Variants in TENM4 observed in about 807,000 individuals in gnomAD.
TENM4 encodes the protein teneurin transmembrane protein 4.
In TENM4, 82 loss-of-function variants were observed where a neutral mutation model predicts 243.3. The ratio of observed to expected loss-of-function variants is 0.34; its 90% CI spans 0.28 to 0.40. The LOEUF is 0.40. Ranked by LOEUF, TENM4 falls within the 10% of genes least tolerant of loss-of-function variation. The pLI is 1.00. For synonymous variants in TENM4, 1,412 were observed against 1,456.3 expected (o/e 0.97, Z 0.69); for missense variants, 3,138 against 3,673.3 (o/e 0.85, Z 3.77).
intron 6 of TENM4, among the ~76,000 whole-genome samples, chr11:78,984,049 C>T (rs752121691): frequency 3.3e-5 from 5 of 152,134 alleles, no homozygotes; most frequent in Non-Finnish European, 7.3e-5. Context: ...GCCCTGGGCT[C>T]TTCGGACTCT....
At chr11:79,176,211 G>A (rs1863155447) in intron 3 of TENM4, among the ~76,000 whole-genome samples, 2 of 152,272 alleles carry the variant, frequency 1.3e-5, no homozygotes, top group East Asian at 3.9e-4. Flanking sequence ...CTGCCCATAG[G>A]GTCAGTCATT....
At chr11:78,811,581 C>T (rs924480974) in intron 14 of TENM4, among the ~76,000 whole-genome samples, 152 of 152,000 alleles carry the variant, frequency 1.0e-3, no homozygotes, top group African/African-American at 1.9e-3. Flanking sequence ...CACACACACA[C>T]ACACACACAC....
chr11:79,375,366 C>A (rs1162251845), intron 1 of TENM4, among the ~76,000 whole-genome samples: 2 of 152,054 alleles, frequency 1.3e-5, no homozygotes, highest in South Asian at 2.1e-4. Flanking sequence ...CAATCCATAG[C>A]CAATATTTTG....
chr11:78,782,283 G>T, intron 16 of TENM4, among the ~76,000 whole-genome samples: 1 of 151,542 alleles, frequency 6.6e-6, no homozygotes, highest in Non-Finnish European at 1.5e-5. Flanking sequence ...TCAACATGGT[G>T]AAACCCCGTC....
At chr11:78,901,140 A>T (rs1485538302) in intron 7 of TENM4, among the ~76,000 whole-genome samples, 1 of 152,174 alleles carries the variant, frequency 6.6e-6, no homozygotes, top group African/African-American at 2.4e-5. Context: ...GTACATGCAC[A>T]TACATGCATA....
At chr11:79,165,177 C>G (rs1389614244) in intron 3 of TENM4, among the ~76,000 whole-genome samples, 1 of 152,084 alleles carries the variant, frequency 6.6e-6, no homozygotes, top group Non-Finnish European at 1.5e-5. Flanking sequence ...ATTGCTGGAT[C>G]AAATGGTAGT....
intron 1 of TENM4, among the ~76,000 whole-genome samples, chr11:79,311,246 G>A (rs371349416): frequency 1.3e-5 from 2 of 152,336 alleles, no homozygotes; most frequent in African/African-American, 4.8e-5. Context: ...GCAGAGGCTT[G>A]GAGTCAGAGA....
rs550763877 is a variant in TENM4 at position 78,961,957 on chromosome 11, C to G, written c.494-58434G>C. Reference sequence around the variant, plus strand: ...GAAGCAGCCCTCCAACTCTTGCACACTCCAGCGGCGCCGCGGGGCAAGAGC... The same window carrying G: ...GAAGCAGCCCTCCAACTCTTGCACAGTCCAGCGGCGCCGCGGGGCAAGAGC... On this transcript the variant is annotated intron_variant, in intron 6 of 33. Transcript: ENST00000278550. Among the ~76,000 whole-genome samples the G allele has an allele frequency of 5.3e-5, 8 of 152,270 alleles. No homozygotes were observed. The South Asian group carries it at 1.7e-3, about 32-fold the overall frequency.
chr11:79,293,532 AG>A (rs879722507), intron 2 of TENM4, among the ~76,000 whole-genome samples: 1 of 144,664 alleles, frequency 6.9e-6, no homozygotes, highest in Non-Finnish European at 1.5e-5. Flanking sequence ...AAAAAAAAAA[AG>A]AAAAAAAAGT....
chr11:79,316,313 A>T lies in TENM4; in HGVS notation c.-320-18770T>A, dbSNP rs1291061570. On this transcript the variant is annotated intron_variant, in intron 1 of 33. Coordinates refer to ENST00000278550, the MANE Select transcript of TENM4 (RefSeq NM_001098816.3). ...TTCACTGAGAGAACAATGGGGAAGGAAAAATATAAACAAGGCTGGTTTCGA... is the reference window on the plus strand; with the variant it reads ...TTCACTGAGAGAACAATGGGGAAGGTAAAATATAAACAAGGCTGGTTTCGA... 2.6e-5 allele frequency among the ~76,000 whole-genome samples: 4 copies of T among 152,258 alleles called. No individual in the cohort carries two copies. In the East Asian group the frequency reaches 7.7e-4, roughly 29 times the overall value.
chr11:79,312,257 G>T (rs538762976), intron 1 of TENM4, among the ~76,000 whole-genome samples: 1 of 152,148 alleles, frequency 6.6e-6, no homozygotes, highest in African/African-American at 2.4e-5. Context: ...AGGAGGGAAC[G>T]GACTATGTCT....
chr11:78,803,495 G>A (rs1174493280), intron 15 of TENM4, among the ~76,000 whole-genome samples: 1 of 152,228 alleles, frequency 6.6e-6, no homozygotes, highest in Non-Finnish European at 1.5e-5. Flanking sequence ...AGGTCTGTCT[G>A]ACTCAGGGAC....
intron 6 of TENM4, among the ~76,000 whole-genome samples, chr11:78,916,992 C>T (rs778829429): frequency 4.3e-4 from 65 of 152,280 alleles, no homozygotes; most frequent in Middle Eastern, 3.4e-3. Context: ...TGAAGTACCT[C>T]GGCTACATGC....
chr11:79,164,014 ATATATAGTAT>A (rs547969136), intron 3 of TENM4, among the ~76,000 whole-genome samples: 1 of 69,034 alleles, frequency 1.4e-5, no homozygotes, highest in South Asian at 4.5e-4. Context: ...TATATAGTAT[ATATATAGTAT>A]GTATATAGTA....
At chr11:79,315,753 G>T (rs1461377260) in intron 1 of TENM4, among the ~76,000 whole-genome samples, 1 of 152,232 alleles carries the variant, frequency 6.6e-6, no homozygotes, top group Non-Finnish European at 1.5e-5. Flanking sequence ...ACTGTAAGTT[G>T]CATCCCCTTC....
intron 6 of TENM4, among the ~76,000 whole-genome samples, chr11:78,907,044 G>T (rs1333489073): frequency 6.6e-6 from 1 of 152,110 alleles, no homozygotes; most frequent in East Asian, 1.9e-4. Flanking sequence ...AGTTGCAGAG[G>T]CTTGAGCTAG....
chr11:79,004,941 C>CAA (rs58631195), intron 6 of TENM4, among the ~76,000 whole-genome samples: 12 of 87,770 alleles, frequency 1.4e-4, no homozygotes, highest in South Asian at 5.1e-4. Flanking sequence ...ATAGAAATAC[C>CAA]AAAAAAAAAA....
chr11:79,095,021 T>C (rs1307028178), intron 4 of TENM4, among the ~76,000 whole-genome samples: 6 of 152,118 alleles, frequency 3.9e-5, no homozygotes, highest in Non-Finnish European at 8.8e-5. Flanking sequence ...CAGCCATGCC[T>C]GGCAGGAGAT....
At chr11:79,127,216 C>T (rs935639299) in intron 4 of TENM4, among the ~76,000 whole-genome samples, 1 of 152,186 alleles carries the variant, frequency 6.6e-6, no homozygotes, top group African/African-American at 2.4e-5. Context: ...GCTGTCTCTA[C>T]CTAGAAAAAC....
Sources: gnomAD v4.1 joint callset for allele counts (sites outside exome capture counted in the v4.1 genomes callset) on GRCh38, gnomAD v4.1.1 for gene constraint, MANE v1.5 for transcripts, NCBI Gene and HGNC (gene_info 2026-07-23, HGNC 2026-07-21) for gene names.